Variants in PTH2R observed in about 807,000 individuals in gnomAD.
PTH2R encodes parathyroid hormone 2 receptor.
PTH2R carries 59 observed loss-of-function variants against 60.3 expected under a neutral mutation model. That is an observed-to-expected ratio of 0.98 (90% confidence interval 0.79 to 1.22). The LOEUF is 1.22. Among genes scored for constraint, PTH2R ranks in the 50% most tolerant of loss-of-function variants. The probability of loss-of-function intolerance (pLI) is 0.00; values close to 1 mark genes in which losing one functional copy is unlikely to be tolerated. For missense variants in PTH2R, 749 were observed against 682.6 expected (o/e 1.10, Z -1.08); for synonymous variants, 256 against 243.8 (o/e 1.05, Z -0.47).
chr2:208,480,935 C>T, intron 9 of PTH2R, 135 bp from the exon 10 acceptor site: 1 of 610,998 alleles, frequency 1.6e-6, no homozygotes, highest in East Asian at 3.1e-5. Context: ...AATATCTGAT[C>T]TCAGGTTCCC....
intron 8 of PTH2R, among the ~76,000 whole-genome samples, chr2:208,452,797 C>G (rs1387919094): frequency 6.6e-6 from 1 of 152,166 alleles, no homozygotes; most frequent in East Asian, 1.9e-4. Context: ...TAAGTTAAAA[C>G]TCATTATTAA....
At chr2:208,420,092 A>G (rs1452597409) in intron 1 of PTH2R, among the ~76,000 whole-genome samples, 1 of 152,006 alleles carries the variant, frequency 6.6e-6, no homozygotes, top group Non-Finnish European at 1.5e-5. Context: ...CAATGAGAAC[A>G]CATGGACACA....
intron 6 of PTH2R, 62 bp downstream of exon 6, chr2:208,443,599 T>C: frequency 4.4e-6 from 6 of 1,376,416 alleles, no homozygotes; most frequent in Non-Finnish European, 5.9e-6. Flanking sequence ...TAAGTACAAT[T>C]TTACAGTCCA....
In PTH2R at chr2:208,493,494, C is replaced by T; in HGVS notation, c.1488C>T (p.Val496=). 1.2e-6 allele frequency: 2 copies of T among 1,613,542 alleles called. No individual in the cohort carries two copies. The highest frequency in any genetic ancestry group is 1.7e-6 in the Non-Finnish European group (2 of 1,179,676). The part of the protein sequence containing the change: ...PDSHITLPGY[V]WSNSEQDCLP... ...GCCACATCACTTTACCTGGCTATGT[C>T]TGGAGTAACTCAGAGCAGGACTGCC... The change falls in exon 13 of 13, where the codon GTC becomes GTT. Residue 496 remains valine, a synonymous_variant. Transcript: ENST00000272847.
chr2:208,360,959 G>A (rs1574801894), intron 1 of PTH2R: 1 of 224,970 alleles, frequency 4.4e-6, no homozygotes, highest in East Asian at 1.1e-4. Flanking sequence ...ACGTTGCTGG[G>A]ATGCCAGTCC....
upstream of PTH2R, among the ~76,000 whole-genome samples, chr2:208,405,484 A>G (rs1024958768): frequency 6.6e-6 from 1 of 152,228 alleles, no homozygotes; most frequent in African/African-American, 2.4e-5. Context: ...TATTGTAAAC[A>G]TAGACAGTGC....
At chr2:208,372,940 G>T (rs950362098) in intron 1 of PTH2R, among the ~76,000 whole-genome samples, 1 of 151,984 alleles carries the variant, frequency 6.6e-6, no homozygotes, top group African/African-American at 2.4e-5. Context: ...CAAAAAATTA[G>T]CCAGGCGTGA....
At chr2:208,452,924 C>A (rs569110144) in intron 8 of PTH2R, among the ~76,000 whole-genome samples, 4 of 152,174 alleles carry the variant, frequency 2.6e-5, no homozygotes, top group African/African-American at 7.2e-5. Context: ...CACTTACAGG[C>A]GGATGAGGTG....
chr2:208,417,720 C>T (rs921622638), intron 1 of PTH2R, among the ~76,000 whole-genome samples: 11 of 151,316 alleles, frequency 7.3e-5, no homozygotes, highest in African/African-American at 1.9e-4. Flanking sequence ...CGGCTACAAA[C>T]GTGGGAATCT....
intron 2 of PTH2R, among the ~76,000 whole-genome samples, chr2:208,429,701 T>C (rs1486875819): frequency 2.0e-5 from 3 of 152,162 alleles, no homozygotes; most frequent in African/African-American, 4.8e-5. Context: ...TATATTCGCA[T>C]TGTTGTGCAA....
At chr2:208,478,625 T>C (rs1485999257) in intron 9 of PTH2R, among the ~76,000 whole-genome samples, 1 of 152,234 alleles carries the variant, frequency 6.6e-6, no homozygotes, top group East Asian at 1.9e-4. Context: ...CTAATAGTGA[T>C]TTTAAAATTT....
rs528732276 is a variant in PTH2R at position 208,472,060 on chromosome 2, A to T, written c.982-9010A>T. 5.3e-5 allele frequency among the ~76,000 whole-genome samples: 8 copies of T among 152,228 alleles called. No homozygotes were observed. The East Asian group carries it at 1.5e-3, about 29-fold the overall frequency. On this transcript the variant is annotated intron_variant, in intron 9 of 12. Transcript: ENST00000272847. ...TATCCCATTTGGAATGGCTGTATTT[A>T]CCCAATGCCTGTACCCCCATTTTAT...
At chr2:208,385,197 T>A (rs1700980745) in intron 1 of PTH2R, among the ~76,000 whole-genome samples, 1 of 152,176 alleles carries the variant, frequency 6.6e-6, no homozygotes, top group South Asian at 2.1e-4. Flanking sequence ...TCCAAGAAAC[T>A]GTGTTTTTAA....
At chr2:208,386,672 T>A (rs1336458036) in intron 1 of PTH2R, among the ~76,000 whole-genome samples, 1 of 152,200 alleles carries the variant, frequency 6.6e-6, no homozygotes, top group Non-Finnish European at 1.5e-5. Context: ...TAGTTTCTGG[T>A]GAGAGCAGTC....
intron 2 of PTH2R, 114 bp from the exon 3 acceptor site, chr2:208,437,423 G>A (rs1413832069): frequency 1.4e-6 from 1 of 725,810 alleles, no homozygotes; most frequent in Non-Finnish European, 2.2e-6. Flanking sequence ...CTACCAATTT[G>A]TTTTAATTTT....
chr2:208,489,044 T>C lies in PTH2R; in HGVS notation c.1109T>C (p.Leu370Pro), dbSNP rs1194707613. 6.2e-7 allele frequency: 1 copy of C among 1,613,994 alleles called. No individual in the cohort carries two copies. Among genetic ancestry groups the C allele is most frequent in the Non-Finnish European group, 8.5e-7 (1 of 1,180,024 alleles). The change falls in exon 11 of 13, where the codon CTA becomes CCA. Residue 370 changes from leucine to proline, a missense_variant. Coordinates refer to ENST00000272847, the MANE Select transcript of PTH2R (RefSeq NM_005048.4). Reference protein sequence around the residue: ...KLAKSTLVLVLVFGVHYIVFV... With the variant: ...KLAKSTLVLVPVFGVHYIVFV... ...GCCAAATCGACACTGGTCCTGGTCC[T>C]AGTCTTTGGAGTGCATTACATCGTG... is the stretch of plus-strand genomic sequence containing the variant.
chr2:208,459,366 T>C (rs1366455221), intron 8 of PTH2R, among the ~76,000 whole-genome samples: 3 of 152,184 alleles, frequency 2.0e-5, no homozygotes, highest in Admixed American at 6.5e-5. Context: ...TACATTCCAC[T>C]GAACATCATA....
intron 2 of PTH2R, 128 bp downstream of exon 2, chr2:208,428,431 T>C: frequency 1.5e-6 from 1 of 656,036 alleles, no homozygotes; most frequent in Non-Finnish European, 2.7e-6. Flanking sequence ...TGTGGAGGGG[T>C]GTGCAGCAGA....
At chr2:208,468,525 A>G (rs1702807125) in intron 9 of PTH2R, among the ~76,000 whole-genome samples, 1 of 152,182 alleles carries the variant, frequency 6.6e-6, no homozygotes, top group Admixed American at 6.5e-5. Flanking sequence ...GCCTCTTTAC[A>G]TGCCACACCC....
Sources: allele counts gnomAD v4.1 joint callset (sites outside exome capture counted in the v4.1 genomes callset), GRCh38; gene constraint gnomAD v4.1.1; transcripts MANE v1.5; gene names NCBI Gene and HGNC (gene_info 2026-07-23, HGNC 2026-07-21).